NOTCH2: variants seen among roughly 807,000 people sequenced by gnomAD.
NOTCH2 encodes neurogenic locus notch homolog protein 2.
Under a neutral mutation model 235.8 loss-of-function variants are expected in NOTCH2, and 29 were observed. The ratio of observed to expected loss-of-function variants is 0.12; its 90% CI spans 0.09 to 0.17. The LOEUF is 0.17. Among genes scored for constraint, NOTCH2 ranks in the 10% least tolerant of loss-of-function variants. The pLI, the probability that NOTCH2 is intolerant of heterozygous loss-of-function variation, is 1.00. For synonymous variants in NOTCH2, 1,086 were observed against 1,141.5 expected (o/e 0.95, Z 0.98); for missense variants, 2,285 against 3,150.2 (o/e 0.73, Z 6.57).
At position 119,929,145 on chromosome 1, in the gene NOTCH2, G is replaced by A. The variant is rs781790739; in HGVS notation, c.3723C>T (p.Cys1241=). Reference sequence around the variant, plus strand: ...AACTGTAGCCTCCAATCCTATCCATGCACTGACCACCATTAAGGCAATGGG... The same window carrying A: ...AACTGTAGCCTCCAATCCTATCCATACACTGACCACCATTAAGGCAATGGG... ...RGPHCLNGGQ[C]MDRIGGYSCR... is the part of the protein sequence containing the mutation. The change falls in exon 23 of 34, where the codon TGC becomes TGT. Residue 1241 remains cysteine, a synonymous_variant. Coordinates refer to ENST00000256646, the MANE Select transcript of NOTCH2 (RefSeq NM_024408.4). 9.3e-6 allele frequency: 15 copies of A among 1,614,094 alleles called. No homozygotes were observed. Among genetic ancestry groups the A allele is most frequent in the Non-Finnish European group, 1.3e-5 (15 of 1,180,042 alleles).
intron 33 of NOTCH2, among the ~76,000 whole-genome samples, chr1:119,917,429 G>A (rs1649125509): frequency 1.3e-5 from 2 of 152,242 alleles, no homozygotes; most frequent in South Asian, 4.1e-4. Flanking sequence ...GTTACACCAA[G>A]CTATCTATAG....
chr1:119,963,581 G>T lies in NOTCH2; in HGVS notation c.1908C>A (p.Gly636=). The T allele has an allele frequency of 6.2e-7, 1 of 1,613,372 alleles. No homozygotes were observed. The highest frequency in any genetic ancestry group is 1.1e-5 in the South Asian group (1 of 91,072). The change falls in exon 11 of 34, where the codon GGC becomes GGA. Residue 636 remains glycine, a synonymous_variant. Transcript: ENST00000256646. ...TAAACAGAGTGGGCTTACCTGACGT[G>T]CCTGGCTGGCAGTTGCACTGGTAGC... is the stretch of plus-strand genomic sequence containing the variant. The part of the protein sequence containing the change: ...VNGYQCNCQP[G]TSGVNCEINF...
chr1:120,038,574 A>AC (rs1432299024), intron 1 of NOTCH2, among the ~76,000 whole-genome samples: 1 of 123,206 alleles, frequency 8.1e-6, no homozygotes, highest in Non-Finnish European at 1.6e-5. Flanking sequence ...TACACCTGGG[A>AC]CCTAAGAAGA....
chr1:119,957,829 AACACACACAC>A lies in NOTCH2; in HGVS notation c.2026+1553_2026+1562del, dbSNP rs3222739. Among the ~76,000 whole-genome samples, 772 of 116,496 alleles carry A rather than the reference AACACACACAC, an allele frequency of 6.6e-3. 2 individuals carry two copies. Among genetic ancestry groups the A allele is most frequent in the African/African-American group, 0.014 (437 of 31,084 alleles). 76.4% of individuals were successfully genotyped at this position (116,496 alleles called of 152,430 possible). ...ATGAGTCCAGTAGAAGCCTTATATA[AACACACACAC>A]ACACACACACACACACACACACACA... On this transcript the variant is annotated intron_variant, in intron 12 of 33. Coordinates refer to ENST00000256646, the MANE Select transcript of NOTCH2 (RefSeq NM_024408.4).
At chr1:119,982,620 G>A (rs1259432223) in intron 5 of NOTCH2, among the ~76,000 whole-genome samples, 2 of 152,202 alleles carry the variant, frequency 1.3e-5, no homozygotes, top group East Asian at 1.9e-4. Flanking sequence ...TAATAAAGAC[G>A]TTTGTGCTCT....
intron 13 of NOTCH2, 127 bp from the exon 14 acceptor site, chr1:119,953,815 T>C: frequency 1.2e-6 from 1 of 825,734 alleles, no homozygotes; most frequent in South Asian, 1.4e-5. Context: ...GAACTATCCT[T>C]GCATCACCTT....
At chr1:119,988,903 G>GTTA (rs1212459842) in intron 4 of NOTCH2, among the ~76,000 whole-genome samples, 1 of 152,174 alleles carries the variant, frequency 6.6e-6, no homozygotes, top group Non-Finnish European at 1.5e-5. Flanking sequence ...ATTAGCCAAT[G>GTTA]TTACAACTAA....
chr1:119,959,093 A>C (rs1650837605), intron 12 of NOTCH2, among the ~76,000 whole-genome samples: 1 of 152,182 alleles, frequency 6.6e-6, no homozygotes, highest in Non-Finnish European at 1.5e-5. Context: ...GTAATCAATA[A>C]ACATAGCTTT....
At chr1:119,999,923 GAAAGAAAGAA>G (rs1652652985) in intron 3 of NOTCH2, among the ~76,000 whole-genome samples, 1 of 63,778 alleles carries the variant, frequency 1.6e-5, no homozygotes, top group Non-Finnish European at 3.3e-5. Flanking sequence ...GAGAGAGAAA[GAAAGAAAGAA>G]AGAAAGAAAG....
chr1:120,025,091 T>C (rs1292427282), intron 2 of NOTCH2, among the ~76,000 whole-genome samples: 2 of 151,838 alleles, frequency 1.3e-5, no homozygotes, highest in South Asian at 2.1e-4. Context: ...CCTGTGATAC[T>C]GAGGAGTCAG....
intron 17 of NOTCH2, among the ~76,000 whole-genome samples, chr1:119,943,657 A>G (rs1650147848): frequency 6.6e-6 from 1 of 152,226 alleles, no homozygotes; most frequent in East Asian, 1.9e-4. Context: ...ATGGATGTCT[A>G]GCATCCAGTA....
chr1:120,060,452 T>A (rs2603927), intron 1 of NOTCH2, among the ~76,000 whole-genome samples: 31,088 of 99,106 alleles, frequency 0.31, 2,747 homozygotes, highest in African/African-American at 0.46. Context: ...ATAAACTAAA[T>A]ATATATATAT....
intron 20 of NOTCH2, 72 bp downstream of exon 20, chr1:119,937,785 A>G (rs1162657994): frequency 7.0e-6 from 11 of 1,572,922 alleles, no homozygotes; most frequent in Non-Finnish European, 9.6e-6. Flanking sequence ...CAAAAAAATG[A>G]TACCTTCTCT....
At chr1:120,033,777 TAA>T (rs587763086) in intron 1 of NOTCH2, among the ~76,000 whole-genome samples, 403 of 152,202 alleles carry the variant, frequency 2.6e-3, no homozygotes, top group African/African-American at 8.8e-3. Flanking sequence ...TCAAAATTGC[TAA>T]GAGAGTAAAT....
chr1:119,918,562 G>A lies in NOTCH2; in HGVS notation c.5782-9C>T. ...CGGTTGCGAATCAGAATCTAGAAGA[G>A]GAGAAAGTACAGAAAAGAGAGTCAC... On this transcript the variant is annotated splice_polypyrimidine_tract_variant and intron_variant, in intron 31 of 33. Coordinates refer to ENST00000256646, the MANE Select transcript of NOTCH2 (RefSeq NM_024408.4). 6.2e-7 allele frequency: 1 copy of A among 1,613,826 alleles called. No individual in the cohort carries two copies. Among genetic ancestry groups the A allele is most frequent in the Non-Finnish European group, 8.5e-7 (1 of 1,179,906 alleles).
intron 5 of NOTCH2, among the ~76,000 whole-genome samples, chr1:119,981,072 G>A (rs587768685): frequency 1.4e-4 from 22 of 152,050 alleles, no homozygotes; most frequent in South Asian, 1.0e-3. Context: ...TGAGTCTCTC[G>A]TCCCTGCCTG....
At chr1:119,985,065 G>A (rs1482527874) in intron 5 of NOTCH2, among the ~76,000 whole-genome samples, 3 of 152,146 alleles carry the variant, frequency 2.0e-5, no homozygotes, top group Admixed American at 2.0e-4. Flanking sequence ...AGAACTGCTA[G>A]GGTATGCTGC....
At chr1:119,985,849 C>G (rs1293328823) in intron 5 of NOTCH2, among the ~76,000 whole-genome samples, 1 of 151,110 alleles carries the variant, frequency 6.6e-6, no homozygotes, top group Non-Finnish European at 1.5e-5. Flanking sequence ...GTTCTAGGAT[C>G]AAGACACCAT....
Position 119,938,021 on chromosome 1 carries a change from G to T in NOTCH2, c.3184-11C>A, listed in dbSNP as rs1553195985. ...GAGATTCACCAGGGTCTGAAACAGA[G>T]GCAGGGGTGTACATACATCAAAATT... On this transcript the variant is annotated splice_polypyrimidine_tract_variant and intron_variant, in intron 19 of 33. Transcript: ENST00000256646. 3.7e-6 allele frequency: 6 copies of T among 1,613,830 alleles called. No individual in the cohort carries two copies. The highest frequency in any genetic ancestry group is 3.4e-6 in the Non-Finnish European group (4 of 1,179,834).
Sources: gnomAD v4.1 joint callset for allele counts (sites outside exome capture counted in the v4.1 genomes callset) on GRCh38, gnomAD v4.1.1 for gene constraint, MANE v1.5 for transcripts, NCBI Gene and HGNC (gene_info 2026-07-23, HGNC 2026-07-21) for gene names.